Variants in KCNMA1 observed in about 807,000 individuals in gnomAD.
The protein encoded by KCNMA1 is potassium calcium-activated channel subfamily M alpha 1, also known as Calcium-activated potassium channel subunit alpha-1.
Under a neutral mutation model 140.0 loss-of-function variants are expected in KCNMA1, and 29 were observed. The ratio of observed to expected loss-of-function variants is 0.21; its 90% CI spans 0.15 to 0.28. KCNMA1 has a LOEUF of 0.28. Among genes scored for constraint, KCNMA1 ranks in the 10% least tolerant of loss-of-function variants. The pLI, the probability that KCNMA1 is intolerant of heterozygous loss-of-function variation, is 1.00. For missense variants in KCNMA1, 880 were observed against 1,602.2 expected (o/e 0.55, Z 7.70); for synonymous variants, 612 against 611.9 (o/e 1.00, Z 0.00).
chr10:77,440,621 T>A (rs1246304135), intron 1 of KCNMA1, among the ~76,000 whole-genome samples: 1 of 152,130 alleles, frequency 6.6e-6, no homozygotes, highest in African/African-American at 2.4e-5. Flanking sequence ...CATGATTAAT[T>A]GTCAAATGAA....
chr10:77,012,270 C>A, intron 17 of KCNMA1: 1 of 1,460,466 alleles, frequency 6.8e-7, no homozygotes, highest in Non-Finnish European at 9.0e-7. Flanking sequence ...CATAAACTTC[C>A]ATTTACAAAG....
At chr10:77,109,103 A>G (rs1351930860) in intron 8 of KCNMA1, among the ~76,000 whole-genome samples, 2 of 152,102 alleles carry the variant, frequency 1.3e-5, no homozygotes, top group African/African-American at 4.8e-5. Flanking sequence ...AATTTAGGAA[A>G]TCACCTGGGA....
chr10:77,069,732 TAAA>T (rs1447216594), intron 14 of KCNMA1, among the ~76,000 whole-genome samples: 2 of 152,180 alleles, frequency 1.3e-5, no homozygotes, highest in Non-Finnish European at 2.9e-5. Flanking sequence ...GATGGAGAGA[TAAA>T]GAAGCATTGC....
chr10:77,434,310 T>C (rs1411547530), intron 1 of KCNMA1, among the ~76,000 whole-genome samples: 1 of 152,226 alleles, frequency 6.6e-6, no homozygotes, highest in Non-Finnish European at 1.5e-5. Flanking sequence ...TTCCTGCTGC[T>C]GTGGAAGTGT....
At chr10:77,444,085 T>C (rs2097471777) in intron 1 of KCNMA1, among the ~76,000 whole-genome samples, 1 of 152,310 alleles carries the variant, frequency 6.6e-6, no homozygotes, top group East Asian at 1.9e-4. Flanking sequence ...ACTTCCTGCA[T>C]ATGAAATAGA....
chr10:77,418,911 AT>A (rs2096803967), intron 1 of KCNMA1, among the ~76,000 whole-genome samples: 1 of 152,252 alleles, frequency 6.6e-6, no homozygotes, highest in Non-Finnish European at 1.5e-5. Context: ...TCTTCCCCTC[AT>A]TCCTTTTCAG....
chr10:76,933,994 A>G (rs1313593817), intron 23 of KCNMA1, among the ~76,000 whole-genome samples: 1 of 151,366 alleles, frequency 6.6e-6, no homozygotes, highest in Non-Finnish European at 1.5e-5. Flanking sequence ...TGTTTTTGAG[A>G]TGGGATCTCA....
chr10:77,277,363 CG>C (rs1458743850), intron 2 of KCNMA1, among the ~76,000 whole-genome samples: 1 of 152,132 alleles, frequency 6.6e-6, no homozygotes, highest in Non-Finnish European at 1.5e-5. Flanking sequence ...AGCTTTTCCA[CG>C]ATGGGTCTGG....
chr10:77,159,671 C>T (rs2098533257), intron 5 of KCNMA1, among the ~76,000 whole-genome samples: 1 of 152,120 alleles, frequency 6.6e-6, no homozygotes, highest in Admixed American at 6.6e-5. Flanking sequence ...CTATTCCCCC[C>T]TCCTGTAGCT....
At chr10:77,179,865 C>G (rs1029399644) in intron 5 of KCNMA1, among the ~76,000 whole-genome samples, 9 of 152,310 alleles carry the variant, frequency 5.9e-5, no homozygotes, top group African/African-American at 2.2e-4. Context: ...TTCCAGAGTG[C>G]CCATCACACA....
In KCNMA1 at chr10:77,007,653, G is replaced by GTGTATATATATATATA; in HGVS notation, c.2092+4313_2092+4314insTATATATATATATACA. On this transcript the variant is annotated intron_variant, in intron 18 of 27. Transcript: ENST00000286628. ...ACATCATGGTACATATTGTGTGTGT[G>GTGTATATATATATATA]TATATATATATATATATATATATGT... Among the ~76,000 whole-genome samples the GTGTATATATATATATA allele has an allele frequency of 7.9e-5, 7 of 88,464 alleles. No individual in the cohort carries two copies. In the South Asian group the frequency reaches 1.2e-3, roughly 15 times the overall value. 58.0% of individuals were successfully genotyped at this position (88,464 alleles called of 152,430 possible).
chr10:77,436,981 C>T (rs900136138), intron 1 of KCNMA1, among the ~76,000 whole-genome samples: 9 of 148,660 alleles, frequency 6.1e-5, no homozygotes, highest in African/African-American at 1.8e-4. Flanking sequence ...CACACACACA[C>T]ACACACACAC....
rs576677729 is a variant in KCNMA1 at position 76,981,788 on chromosome 10, T to A, written c.2267-11721A>T. ...GATCTCATGCCTTGCATTATTATAA[T>A]TTGTGTTCAATTCTAATGTGTTCTA... On this transcript the variant is annotated intron_variant, in intron 19 of 27. Coordinates refer to ENST00000286628, the MANE Select transcript of KCNMA1 (RefSeq NM_001161352.2). 2.6e-5 allele frequency among the ~76,000 whole-genome samples: 4 copies of A among 152,336 alleles called. No individual in the cohort carries two copies. In the South Asian group the frequency reaches 8.3e-4, roughly 32 times the overall value.
chr10:77,188,035 T>C (rs1032283856), intron 3 of KCNMA1, among the ~76,000 whole-genome samples: 6 of 152,180 alleles, frequency 3.9e-5, no homozygotes, highest in Non-Finnish European at 7.3e-5. Flanking sequence ...AGAGACTTCA[T>C]CTTAATGATT....
chr10:77,484,087 G>A (rs186146578), intron 1 of KCNMA1, among the ~76,000 whole-genome samples: 17 of 152,348 alleles, frequency 1.1e-4, no homozygotes, highest in Admixed American at 5.9e-4. Context: ...GTCTGGCACC[G>A]TGGGATTTCT....
At chr10:77,117,539 C>CAAAAAAAAAAAAAAAA (rs56926398) in intron 6 of KCNMA1, among the ~76,000 whole-genome samples, 70 of 22,446 alleles carry the variant, frequency 3.1e-3, no homozygotes, top group Non-Finnish European at 3.7e-3. Flanking sequence ...GAGTCTATCT[C>CAAAAAAAAAAAAAAAA]AAAAAAAAAA....
At chr10:77,249,440 G>C (rs2059274057) in intron 3 of KCNMA1, 2 of 151,962 alleles carry the variant, frequency 1.3e-5, no homozygotes, top group African/African-American at 4.8e-5. Context: ...TCCATCTAAA[G>C]AGCATTTTAT....
chr10:77,036,082 G>A (rs946634699), intron 15 of KCNMA1, among the ~76,000 whole-genome samples: 1 of 152,212 alleles, frequency 6.6e-6, no homozygotes, highest in Non-Finnish European at 1.5e-5. Context: ...GAAGAAAGTG[G>A]AAGGACTAGA....
rs199602405 is a variant in KCNMA1 at position 76,937,911 on chromosome 10, GTA to G, written c.2902+6860_2902+6861del. Among the ~76,000 whole-genome samples the G allele has an allele frequency of 8.4e-3, 1,263 of 150,972 alleles. 66 individuals are homozygous for G. The highest frequency in any genetic ancestry group is 0.073 in the Admixed American group (1,102 of 15,180). ...GGAGGAAAGCTGTGTGTGTGTGTGCGTATGTGTGTGTGTGTTTGTGTGTGTGT... is the reference window on the plus strand; with the variant it reads ...GGAGGAAAGCTGTGTGTGTGTGTGCGTGTGTGTGTGTGTTTGTGTGTGTGT... On this transcript the variant is annotated intron_variant, in intron 23 of 27. Transcript: ENST00000286628.
Sources: allele counts gnomAD v4.1 joint callset (sites outside exome capture counted in the v4.1 genomes callset), GRCh38; gene constraint gnomAD v4.1.1; transcripts MANE v1.5; gene names NCBI Gene and HGNC (gene_info 2026-07-23, HGNC 2026-07-21).